CCDC66: variants seen among roughly 807,000 people sequenced by gnomAD.
The protein encoded by CCDC66 is coiled-coil domain-containing protein 66.
A neutral mutation model predicts 128.3 loss-of-function variants in CCDC66; 133 were observed. The ratio of observed to expected loss-of-function variants is 1.04; its 90% CI spans 0.90 to 1.20. CCDC66 has a LOEUF of 1.20. Ranked by LOEUF, CCDC66 falls within the 50% of genes most tolerant of loss-of-function variation. The pLI is 0.00. For missense variants in CCDC66, 1,126 were observed against 1,075.5 expected (o/e 1.05, Z -0.66); for synonymous variants, 387 against 357.0 (o/e 1.08, Z -0.95).
intron 7 of CCDC66, among the ~76,000 whole-genome samples, chr3:56,592,553 A>C (rs1163278909): frequency 1.4e-5 from 2 of 145,470 alleles, no homozygotes; most frequent in Non-Finnish European, 3.0e-5. Context: ...AGTAGAGATG[A>C]GATTTTGCCA....
At chr3:56,559,782 A>G (rs1046202468) in intron 3 of CCDC66, among the ~76,000 whole-genome samples, 188 bp downstream of exon 3, 5 of 152,222 alleles carry the variant, frequency 3.3e-5, no homozygotes, top group African/African-American at 9.6e-5. Flanking sequence ...GGTTTAGCCC[A>G]ATAGAACCTC....
chr3:56,564,728 C>T (rs879139090), intron 4 of CCDC66, among the ~76,000 whole-genome samples: 1 of 151,782 alleles, frequency 6.6e-6, no homozygotes, highest in Non-Finnish European at 1.5e-5. Context: ...TAAGGAATTG[C>T]GAATATGAAG....
intron 10 of CCDC66, among the ~76,000 whole-genome samples, chr3:56,602,879 G>C (rs550849738): frequency 7.5e-4 from 111 of 148,776 alleles, no homozygotes; most frequent in Non-Finnish European, 1.3e-3. Context: ...CTGTCACCCA[G>C]GCTGGAGTGC....
intron 3 of CCDC66, chr3:56,561,479 T>A (rs1419739568): frequency 6.1e-6 from 2 of 328,198 alleles, no homozygotes; most frequent in Non-Finnish European, 1.2e-5. Flanking sequence ...ATTTTTTTTT[T>A]AAGAGTAACT....
intron 10 of CCDC66, among the ~76,000 whole-genome samples, chr3:56,600,339 G>T (rs2072937456): frequency 6.6e-6 from 1 of 151,610 alleles, no homozygotes; most frequent in South Asian, 2.1e-4. Flanking sequence ...AGTACAGAGA[G>T]CATTTCACCA....
At chr3:56,565,815 C>T (rs1040651649) in intron 4 of CCDC66, among the ~76,000 whole-genome samples, 12 of 150,112 alleles carry the variant, frequency 8.0e-5, no homozygotes, top group African/African-American at 2.2e-4. Flanking sequence ...TACAGGCGCC[C>T]GCCACCACGC....
At position 56,617,247 on chromosome 3, in the gene CCDC66, A is replaced by C. The variant is rs757220495; in HGVS notation, c.1979A>C (p.Gln660Pro). 3 of 1,614,088 alleles carry C rather than the reference A, an allele frequency of 1.9e-6. No individual in the cohort carries two copies. The highest frequency in any genetic ancestry group is 3.3e-5 in the Admixed American group (2 of 60,008). The change falls in exon 14 of 18, where the codon CAA becomes CCA. Residue 660 changes from glutamine to proline, a missense_variant. Physicochemically the swap from Gln to Pro is moderately conservative, Grantham distance 76 (BLOSUM62 -1). Coordinates refer to ENST00000394672, the MANE Select transcript of CCDC66 (RefSeq NM_001141947.3). The part of the protein sequence containing the change: ...IGQFSTKKNK[Q>P]ELTQDKGASL... ...CAGTTTAGCACCAAGAAAAACAAGCAAGAACTAACTCAGGATAAAGGAGCC... is the reference window on the plus strand; with the variant it reads ...CAGTTTAGCACCAAGAAAAACAAGCCAGAACTAACTCAGGATAAAGGAGCC...
rs1275037641 is a variant in CCDC66 at position 56,593,723 on chromosome 3, CAAACAGT to C, written c.1304_1310del (p.Asn435ArgfsTer9). On this transcript the variant is annotated frameshift_variant, in exon 9 of 18. Transcript: ENST00000394672. LOFTEE classifies it high-confidence loss of function. ...AAACCTATTAAGGATGTGGTTATGG[CAAACAGT>C]AAGAAAACAAAGTAAGTTCATGCTT... 1.9e-6 allele frequency: 3 copies of C among 1,612,242 alleles called. No individual in the cohort carries two copies. In the South Asian group the frequency reaches 3.3e-5, roughly 18 times the overall value.
intron 7 of CCDC66, among the ~76,000 whole-genome samples, chr3:56,584,753 G>A (rs1416460902): frequency 1.3e-5 from 2 of 151,914 alleles, no homozygotes; most frequent in Non-Finnish European, 2.9e-5. Flanking sequence ...CTGGGAAGTG[G>A]AGGTTGTAGC....
At chr3:56,603,544 C>G (rs1238734236) in intron 10 of CCDC66, among the ~76,000 whole-genome samples, 1 of 151,798 alleles carries the variant, frequency 6.6e-6, no homozygotes, top group Non-Finnish European at 1.5e-5. Context: ...TCGTTATTTA[C>G]CCAGTAGTCA....
chr3:56,582,394 C>A (rs549432514), intron 7 of CCDC66, among the ~76,000 whole-genome samples: 1 of 151,910 alleles, frequency 6.6e-6, no homozygotes, highest in Non-Finnish European at 1.5e-5. Context: ...GCTCCGTGGG[C>A]TGCACCCACT....
intron 6 of CCDC66, among the ~76,000 whole-genome samples, chr3:56,567,596 G>A (rs1326462426): frequency 6.6e-6 from 1 of 152,224 alleles, no homozygotes; most frequent in Non-Finnish European, 1.5e-5. Context: ...TGTCCACCAT[G>A]TTGAGGTTAC....
At chr3:56,583,334 G>T (rs959125282) in intron 7 of CCDC66, among the ~76,000 whole-genome samples, 1 of 151,898 alleles carries the variant, frequency 6.6e-6, no homozygotes, top group Non-Finnish European at 1.5e-5. Context: ...TCATTCTTGG[G>T]TGTTTCTCCC....
chr3:56,571,495 C>A, intron 7 of CCDC66, 193 bp downstream of exon 7: 1 of 383,664 alleles, frequency 2.6e-6, no homozygotes, highest in Non-Finnish European at 4.7e-6. Context: ...GATTCTCCTG[C>A]CTCAGCCTCC....
At chr3:56,569,835 G>T (rs73081825) in intron 6 of CCDC66, 58,083 of 152,066 alleles carry the variant, frequency 0.38, 13,682 homozygotes, top group Non-Finnish European at 0.54. Context: ...AATCATTTTT[G>T]TTGTTGTTGT....
intron 7 of CCDC66, among the ~76,000 whole-genome samples, chr3:56,585,861 A>T (rs1208043394): frequency 6.6e-6 from 1 of 151,966 alleles, no homozygotes; most frequent in Non-Finnish European, 1.5e-5. Context: ...TTTCTGGATC[A>T]GAAAAATGGG....
At position 56,593,833 on chromosome 3, in the gene CCDC66, A is replaced by G. The variant is rs1337654442; in HGVS notation, c.1319+92A>G. The G allele has an allele frequency of 7.0e-6, 11 of 1,582,334 alleles. No homozygotes were observed. In the East Asian group the frequency reaches 1.8e-4, roughly 26 times the overall value. ...ATGTCTAATTGGTTTCAGGTTTGGT[A>G]TTTGTCTTTGAAATAGAAATAATTA... On this transcript the variant is annotated intron_variant, in intron 9 of 17. Coordinates refer to ENST00000394672, the MANE Select transcript of CCDC66 (RefSeq NM_001141947.3).
chr3:56,601,180 T>C (rs1334628771), intron 10 of CCDC66, among the ~76,000 whole-genome samples: 2 of 152,110 alleles, frequency 1.3e-5, no homozygotes, highest in Non-Finnish European at 2.9e-5. Flanking sequence ...CAGTTTCAGT[T>C]TTCTGCATAT....
At chr3:56,561,594 TAA>T (rs1236178068) in intron 3 of CCDC66, among the ~76,000 whole-genome samples, 2 of 152,256 alleles carry the variant, frequency 1.3e-5, no homozygotes, top group African/African-American at 4.8e-5. Flanking sequence ...TGATGCAACC[TAA>T]GTTTCCCTTC....
Sources: gnomAD v4.1 joint callset for allele counts (sites outside exome capture counted in the v4.1 genomes callset) on GRCh38, gnomAD v4.1.1 for gene constraint, MANE v1.5 for transcripts, NCBI Gene and HGNC (gene_info 2026-07-23, HGNC 2026-07-21) for gene names.